SCN3A: variants seen among roughly 807,000 people sequenced by gnomAD.
The protein encoded by SCN3A is sodium voltage-gated channel alpha subunit 3.
A neutral mutation model predicts 187.6 loss-of-function variants in SCN3A; 60 were observed. The observed-to-expected ratio is 0.32, with a 90% CI of 0.26 to 0.40. The LOEUF (loss-of-function observed/expected upper bound fraction) is 0.40, where lower values mean the gene tolerates loss of function less well. Ranked by LOEUF, SCN3A falls within the 10% of genes least tolerant of loss-of-function variation. SCN3A has a pLI of 1.00. For missense variants in SCN3A, 1,601 were observed against 2,428.2 expected (o/e 0.66, Z 7.16); for synonymous variants, 788 against 829.2 (o/e 0.95, Z 0.85).
At position 165,176,130 on chromosome 2, in the gene SCN3A, C is replaced by T; in HGVS notation, c.264+1G>A. ...ATTAGAAGTCTAAAATCAATACTCA[C>T]TTTCTTATTGATATAGTAGGGATCC... On this transcript the variant is annotated splice_donor_variant, in intron 3 of 27. Transcript: ENST00000283254. LOFTEE classifies it high-confidence loss of function. The T allele has an allele frequency of 6.2e-7, 1 of 1,612,424 alleles. No individual in the cohort carries two copies. The highest frequency in any genetic ancestry group is 8.5e-7 in the Non-Finnish European group (1 of 1,178,734).
In SCN3A at chr2:165,162,632, G is replaced by T; in HGVS notation, c.891C>A (p.Gly297=). The stretch of plus-strand genomic sequence containing the variant: ...CAAATGTCCCATTTGAATCCATTGT[G>T]CCATTAAAGTAGGAAGTGGTGTTGG... ...FETNTTSYFN[G]TMDSNGTFVN... The change falls in exon 8 of 28, where the codon GGC becomes GGA. Residue 297 remains glycine, a synonymous_variant. Transcript: ENST00000283254. 6.2e-7 allele frequency: 1 copy of T among 1,614,078 alleles called. No individual in the cohort carries two copies. Among genetic ancestry groups the T allele is most frequent in the Non-Finnish European group, 8.5e-7 (1 of 1,179,988 alleles).
chr2:165,123,250 G>T (rs551532994), intron 18 of SCN3A, among the ~76,000 whole-genome samples: 53 of 151,826 alleles, frequency 3.5e-4, no homozygotes, highest in African/African-American at 1.3e-3. Flanking sequence ...GTTTATATTT[G>T]CTTCCATACC....
intron 5 of SCN3A, among the ~76,000 whole-genome samples, chr2:165,168,353 T>C (rs1361168732): frequency 6.6e-6 from 1 of 152,076 alleles, no homozygotes. Context: ...CTAAATCTAT[T>C]CTATTCGAAT....
In SCN3A at chr2:165,197,189, G is replaced by A. The variant is rs939372641; in HGVS notation, c.-248+6634C>T. Among the ~76,000 whole-genome samples, 46 of 152,116 alleles carry A rather than the reference G, an allele frequency of 3.0e-4. 1 individual carries two copies. Among genetic ancestry groups the A allele is most frequent in the Admixed American group, 1.3e-4 (2 of 15,252 alleles). On this transcript the variant is annotated intron_variant, in intron 1 of 27. Coordinates refer to ENST00000283254, the MANE Select transcript of SCN3A (RefSeq NM_006922.4). ...AGTGTATTTTTTGTTGCTTCCTTAA[G>A]TATTTGCATAATATCTTTACTTAAC... is the stretch of plus-strand genomic sequence containing the variant.
At chr2:165,197,141 C>T (rs987962560) in intron 1 of SCN3A, among the ~76,000 whole-genome samples, 6 of 152,110 alleles carry the variant, frequency 3.9e-5, no homozygotes, top group Admixed American at 3.9e-4. Flanking sequence ...CCAGTGTGTT[C>T]AACCAAGGGA....
intron 18 of SCN3A, among the ~76,000 whole-genome samples, chr2:165,115,938 T>C (rs2105719017): frequency 6.6e-6 from 1 of 152,302 alleles, no homozygotes; most frequent in South Asian, 2.1e-4. Flanking sequence ...TGCTGACATC[T>C]AGCCATGATT....
rs750955311 is a variant in SCN3A at position 165,097,251 on chromosome 2, C to A, written c.4239+1G>T. On this transcript the variant is annotated splice_donor_variant, in intron 23 of 27. Transcript: ENST00000283254. LOFTEE classifies it high-confidence loss of function. ...TCAAAACTCGTACAGTAGCCACTTA[C>A]CACTTGAAGCAGTGCAAGATAGCCA... 1 of 1,614,036 alleles carries A rather than the reference C, an allele frequency of 6.2e-7. No individual in the cohort carries two copies. Among genetic ancestry groups the A allele is most frequent in the Non-Finnish European group, 8.5e-7 (1 of 1,179,948 alleles).
chr2:165,152,588 A>G (rs1688750580), intron 11 of SCN3A, among the ~76,000 whole-genome samples: 2 of 152,212 alleles, frequency 1.3e-5, no homozygotes, highest in South Asian at 4.1e-4. Context: ...GTATATATCC[A>G]GTAATGGGAT....
Position 165,170,512 on chromosome 2 carries a change from G to T in SCN3A, c.301C>A (p.Arg101=), listed in dbSNP as rs1334942208. 1.2e-6 allele frequency: 2 copies of T among 1,610,620 alleles called. No individual in the cohort carries two copies. Among genetic ancestry groups the T allele is most frequent in the East Asian group, 4.5e-5 (2 of 44,712 alleles). ...TACAAGGCAGAGGTGGCACTGAATC[G>T]GAAAATTGCCTTTCCTTTATTCATT... ...IVMNKGKAIF[R]FSATSALYIL... Residue 101 remains arginine, a synonymous_variant, in exon 4 of 28, where the codon CGA becomes AGA. Transcript: ENST00000283254.
chr2:165,161,954 A>G (rs563697917), intron 9 of SCN3A, among the ~76,000 whole-genome samples: 3 of 152,342 alleles, frequency 2.0e-5, no homozygotes, highest in Non-Finnish European at 2.9e-5. Flanking sequence ...TCCCATTGAT[A>G]CATATGTACA....
At position 165,162,729 on chromosome 2, in the gene SCN3A, C is replaced by T; in HGVS notation, c.794G>A (p.Gly265Glu). The T allele has an allele frequency of 6.2e-7, 1 of 1,614,084 alleles. No individual in the cohort carries two copies. Among genetic ancestry groups the T allele is most frequent in the Non-Finnish European group, 8.5e-7 (1 of 1,179,990 alleles). Reference protein sequence around the residue: ...VFCLSVFALIGLQLFMGNLRN... With the variant: ...VFCLSVFALIELQLFMGNLRN... Reference sequence around the variant, plus strand: ...CAGATTGCCCATGAACAGCTGCAGCCCAATGAGAGCAAACACGCTCAGACA... The same window carrying T: ...CAGATTGCCCATGAACAGCTGCAGCTCAATGAGAGCAAACACGCTCAGACA... Residue 265 changes from glycine (G) to glutamate (E), a missense_variant, in exon 8 of 28, where the codon GGG becomes GAG. Coordinates refer to ENST00000283254, the MANE Select transcript of SCN3A (RefSeq NM_006922.4).
intron 10 of SCN3A, 70 bp from the exon 11 acceptor site, chr2:165,154,728 CAGTT>C: frequency 7.1e-7 from 1 of 1,418,016 alleles, no homozygotes; most frequent in South Asian, 1.2e-5. Context: ...CTGATTACCA[CAGTT>C]AGATAGTCAG....
At chr2:165,192,266 C>T (rs571524593) in intron 1 of SCN3A, among the ~76,000 whole-genome samples, 1 of 152,024 alleles carries the variant, frequency 6.6e-6, no homozygotes, top group Non-Finnish European at 1.5e-5. Context: ...TTACTAGACT[C>T]TCTTGAAAAC....
intron 21 of SCN3A, among the ~76,000 whole-genome samples, chr2:165,109,226 G>C (rs1686001861): frequency 6.6e-6 from 1 of 152,110 alleles, no homozygotes; most frequent in Admixed American, 6.6e-5. Flanking sequence ...TGTCCCCAGA[G>C]TTTGGTTCTG....
At chr2:165,126,963 C>T (rs1687031143) in intron 18 of SCN3A, among the ~76,000 whole-genome samples, 2 of 152,060 alleles carry the variant, frequency 1.3e-5, no homozygotes, top group South Asian at 4.1e-4. Flanking sequence ...CATAGCAAAA[C>T]CTAATATAGA....
chr2:165,184,390 A>G (rs529922864), intron 2 of SCN3A, among the ~76,000 whole-genome samples: 1 of 150,854 alleles, frequency 6.6e-6, no homozygotes, highest in Non-Finnish European at 1.5e-5. Flanking sequence ...CATGAGGTTG[A>G]TACCATTAAT....
At chr2:165,129,822 G>C (rs935896541) in intron 17 of SCN3A, 118 bp downstream of exon 17, 103 of 1,253,696 alleles carry the variant, frequency 8.2e-5, no homozygotes, top group Non-Finnish European at 3.5e-6. Context: ...GTGCTAATAG[G>C]GGGATTTCAG....
At chr2:165,115,410 A>G (rs1559195875) in intron 19 of SCN3A, 45 bp downstream of exon 19, 1 of 1,612,990 alleles carries the variant, frequency 6.2e-7, no homozygotes. Flanking sequence ...AGTCTCCGTA[A>G]AGAACAAGGG....
intron 25 of SCN3A, 43 bp downstream of exon 25, chr2:165,095,468 A>G (rs1476155799): frequency 6.3e-7 from 1 of 1,595,362 alleles, no homozygotes; most frequent in Admixed American, 1.7e-5. Context: ...ATTAACAGAC[A>G]GAACCCCAGA....
Sources: allele counts gnomAD v4.1 joint callset (sites outside exome capture counted in the v4.1 genomes callset), GRCh38; gene constraint gnomAD v4.1.1; transcripts MANE v1.5; gene names NCBI Gene and HGNC (gene_info 2026-07-23, HGNC 2026-07-21).